PRRX2: variants seen among roughly 807,000 people sequenced by gnomAD.
The protein encoded by PRRX2 is paired mesoderm homeobox protein 2.
PRRX2 carries 11 observed loss-of-function variants against 18.0 expected under a neutral mutation model. That is an observed-to-expected ratio of 0.61 (90% CI 0.39 to 1.01). The LOEUF is 1.01. Among genes scored for constraint, PRRX2 ranks in the 50% least tolerant of loss-of-function variants. The pLI, the probability that PRRX2 is intolerant of heterozygous loss-of-function variation, is 0.01. For synonymous variants in PRRX2, 177 were observed against 154.8 expected (o/e 1.14, Z -1.06); for missense variants, 387 against 351.0 (o/e 1.10, Z -0.82).
chr9:129,718,882 G>A (rs1316113230), intron 1 of PRRX2, among the ~76,000 whole-genome samples: 2 of 152,180 alleles, frequency 1.3e-5, no homozygotes, highest in African/African-American at 4.8e-5. Context: ...TCCTTGAGCA[G>A]GTCACTTGTC....
chr9:129,683,502 G>A lies in PRRX2; in HGVS notation c.259+17376G>A, dbSNP rs928505681. Among the ~76,000 whole-genome samples the A allele has an allele frequency of 3.9e-5, 6 of 152,246 alleles. No homozygotes were observed. In the East Asian group the frequency reaches 9.7e-4, roughly 25 times the overall value. Reference sequence around the variant, plus strand: ...TGTAATCCCAGCACTTTGGGAGGCCGAGGTGGGCGGATCACGAGGTCAGGA... The same window carrying A: ...TGTAATCCCAGCACTTTGGGAGGCCAAGGTGGGCGGATCACGAGGTCAGGA... On this transcript the variant is annotated intron_variant, in intron 1 of 3. Coordinates refer to ENST00000372469, the MANE Select transcript of PRRX2 (RefSeq NM_016307.4).
intron 1 of PRRX2, among the ~76,000 whole-genome samples, chr9:129,687,410 C>T (rs1832310630): frequency 6.6e-6 from 1 of 152,138 alleles, no homozygotes; most frequent in African/African-American, 2.4e-5. Flanking sequence ...ACCTTCCAGG[C>T]ATCATCTCAG....
intron 1 of PRRX2, among the ~76,000 whole-genome samples, chr9:129,681,670 T>TC (rs1241661533): frequency 6.6e-6 from 1 of 152,080 alleles, no homozygotes; most frequent in African/African-American, 2.4e-5. Context: ...TCTCTGCTCC[T>TC]CCCTAAACCC....
chr9:129,668,709 G>A lies in PRRX2; in HGVS notation c.259+2583G>A, dbSNP rs941546574. The stretch of plus-strand genomic sequence containing the variant: ...GGAGAATCCCTTGAACCCGGGAGGC[G>A]GAGGTTGCAGTGAGCCAAGATTGCA... On this transcript the variant is annotated intron_variant, in intron 1 of 3. Coordinates refer to ENST00000372469, the MANE Select transcript of PRRX2 (RefSeq NM_016307.4). Among the ~76,000 whole-genome samples the A allele has an allele frequency of 5.3e-5, 8 of 149,958 alleles. No individual in the cohort carries two copies. In the South Asian group the frequency reaches 1.7e-3, roughly 32 times the overall value.
chr9:129,719,138 A>ATTT (rs1380801026), intron 1 of PRRX2, 93 bp from the exon 2 acceptor site: 2 of 1,262,064 alleles, frequency 1.6e-6, no homozygotes, highest in Non-Finnish European at 2.1e-6. Flanking sequence ...GGCGGCACTA[A>ATTT]AGCACTCAGA....
At chr9:129,718,063 C>T (rs1197984712) in intron 1 of PRRX2, among the ~76,000 whole-genome samples, 1 of 151,372 alleles carries the variant, frequency 6.6e-6, no homozygotes, top group Non-Finnish European at 1.5e-5. Flanking sequence ...TAGCTGGACG[C>T]CCCCCCACCC....
chr9:129,719,067 T>C (rs2130936677), intron 1 of PRRX2, among the ~76,000 whole-genome samples, 164 bp from the exon 2 acceptor site: 1 of 152,230 alleles, frequency 6.6e-6, no homozygotes, highest in East Asian at 1.9e-4. Context: ...GAAGAGTGAA[T>C]GGATGGGTGG....
chr9:129,713,078 A>G (rs1314947205), intron 1 of PRRX2: 1 of 152,212 alleles, frequency 6.6e-6, no homozygotes, highest in East Asian at 1.9e-4. Flanking sequence ...CCCCCGGCTA[A>G]GTCCAGAGCT....
At chr9:129,698,361 G>A (rs912456201) in intron 1 of PRRX2, among the ~76,000 whole-genome samples, 3 of 151,886 alleles carry the variant, frequency 2.0e-5, no homozygotes, top group Non-Finnish European at 4.4e-5. Context: ...GCTGGGCCAG[G>A]CCAACCCAGT....
At chr9:129,711,507 G>A (rs1455294228) in intron 1 of PRRX2, among the ~76,000 whole-genome samples, 2 of 145,210 alleles carry the variant, frequency 1.4e-5, no homozygotes, top group Non-Finnish European at 3.0e-5. Flanking sequence ...CCGGGTTTAA[G>A]CAATTCTCAT....
At chr9:129,673,905 A>G (rs2119052973) in intron 1 of PRRX2, among the ~76,000 whole-genome samples, 1 of 152,230 alleles carries the variant, frequency 6.6e-6, no homozygotes, top group Non-Finnish European at 1.5e-5. Context: ...TGGCTCCCAC[A>G]CTGAGCAGAC....
chr9:129,689,123 C>T (rs1832328871), intron 1 of PRRX2, among the ~76,000 whole-genome samples: 1 of 152,162 alleles, frequency 6.6e-6, no homozygotes, highest in Non-Finnish European at 1.5e-5. Context: ...CCTGAACACA[C>T]TCCTGTCTTC....
intron 1 of PRRX2, among the ~76,000 whole-genome samples, chr9:129,674,422 G>C (rs560435855): frequency 3.0e-4 from 46 of 152,294 alleles, no homozygotes; most frequent in Non-Finnish European, 5.4e-4. Context: ...GGGGCGGTAG[G>C]AGGGGCTAGG....
chr9:129,684,412 GACAC>G (rs1202663196), intron 1 of PRRX2, among the ~76,000 whole-genome samples: 2 of 120,310 alleles, frequency 1.7e-5, no homozygotes, highest in African/African-American at 6.1e-5. Context: ...CACAGAGAGA[GACAC>G]ACACAGATAC....
In PRRX2 at chr9:129,720,242, G is replaced by C. The variant is rs527724309; in HGVS notation, c.448-354G>C. ...CCCTCTCCCCGCGAGTGCTCAGCAA[G>C]AGCCTCTCCCCCCGAGTGCTCAGCA... On this transcript the variant is annotated intron_variant, in intron 2 of 3. Coordinates refer to ENST00000372469, the MANE Select transcript of PRRX2 (RefSeq NM_016307.4). Among the ~76,000 whole-genome samples, 8 of 149,886 alleles carry C rather than the reference G, an allele frequency of 5.3e-5. 1 individual carries two copies. In the South Asian group the frequency reaches 1.7e-3, roughly 32 times the overall value.
At chr9:129,685,539 A>G (rs1832290274) in intron 1 of PRRX2, among the ~76,000 whole-genome samples, 1 of 151,742 alleles carries the variant, frequency 6.6e-6, no homozygotes. Flanking sequence ...AATTCTTTAA[A>G]TTTTTTGTAG....
intron 2 of PRRX2, among the ~76,000 whole-genome samples, chr9:129,720,121 G>A (rs531984464): frequency 3.3e-5 from 5 of 152,204 alleles, no homozygotes; most frequent in Admixed American, 2.0e-4. Context: ...GCACTGAGCC[G>A]AGTGCTCAGC....
intron 1 of PRRX2, among the ~76,000 whole-genome samples, chr9:129,684,427 AACACACACACACACACAC>A (rs72324782): frequency 3.6e-5 from 3 of 82,928 alleles, no homozygotes; most frequent in African/African-American, 1.4e-4. Context: ...ACACAGATAC[AACACACACACACACACAC>A]ACACACACAC....
At chr9:129,684,481 A>AACAC (rs1832274637) in intron 1 of PRRX2, among the ~76,000 whole-genome samples, 3 of 75,028 alleles carry the variant, frequency 4.0e-5, no homozygotes, top group African/African-American at 1.3e-4. Context: ...GATACCAGAA[A>AACAC]TCACACACAC....
Sources: gnomAD v4.1 joint callset for allele counts (sites outside exome capture counted in the v4.1 genomes callset) on GRCh38, gnomAD v4.1.1 for gene constraint, MANE v1.5 for transcripts, NCBI Gene and HGNC (gene_info 2026-07-23, HGNC 2026-07-21) for gene names.